VIPR1: variants seen among roughly 807,000 people sequenced by gnomAD.
VIPR1 encodes the protein vasoactive intestinal peptide receptor 1.
VIPR1 carries 59 observed loss-of-function variants against 58.8 expected under a neutral mutation model. That is an observed-to-expected ratio of 1.00 (90% CI 0.81 to 1.25). The LOEUF (loss-of-function observed/expected upper bound fraction) is 1.25. Among genes scored for constraint, VIPR1 ranks in the 50% most tolerant of loss-of-function variants. The probability of loss-of-function intolerance (pLI) is 0.00; values close to 1 mark genes in which losing one functional copy is unlikely to be tolerated. For synonymous variants in VIPR1, 251 were observed against 242.1 expected (o/e 1.04, Z -0.34); for missense variants, 626 against 602.7 (o/e 1.04, Z -0.40).
Position 42,502,693 on chromosome 3 carries a change from C to A in VIPR1, c.-43C>A, listed in dbSNP as rs933426441. 122 of 1,271,694 alleles carry A rather than the reference C, an allele frequency of 9.6e-5. No individual in the cohort carries two copies. In the African/African-American group the frequency reaches 1.5e-3, roughly 16 times the overall value. 78.8% of individuals were successfully genotyped at this position (1,271,694 alleles called of 1,614,324 possible). On this transcript the variant is annotated 5_prime_UTR_variant, in exon 1 of 13. Coordinates refer to ENST00000325123, the MANE Select transcript of VIPR1 (RefSeq NM_004624.4). ...CCGCCTGGTGCGCCGCCCGCCAGCT[C>A]TTTGCCCGCGCGGGGCCGCCCGCCG...
At chr3:42,511,993 A>G (rs1458739394) in intron 1 of VIPR1, 1 of 152,214 alleles carries the variant, frequency 6.6e-6, no homozygotes, top group Non-Finnish European at 1.5e-5. Context: ...TAACAGTTAT[A>G]CGAGTAACTG....
intron 7 of VIPR1, 34 bp from the exon 8 acceptor site, chr3:42,531,437 C>G: frequency 1.3e-6 from 2 of 1,557,404 alleles, no homozygotes; most frequent in Non-Finnish European, 1.7e-6. Context: ...TTCCTGTGCC[C>G]TCTCTGCTCT....
Position 42,507,093 on chromosome 3 carries a change from T to C in VIPR1, c.78+4280T>C, listed in dbSNP as rs377040443. On this transcript the variant is annotated intron_variant, in intron 1 of 12. Transcript: ENST00000325123. The stretch of plus-strand genomic sequence containing the variant: ...CCCAAATCATTTCAGAATGCATCTC[T>C]AAAACCAAAGGACACTCTTCTATAT... 12 of 152,336 alleles carry C rather than the reference T, an allele frequency of 7.9e-5. No individual in the cohort carries two copies. The East Asian group carries it at 2.1e-3, about 27-fold the overall frequency. 9.4% of individuals were successfully genotyped at this position (152,336 alleles called of 1,614,324 possible).
chr3:42,535,026 C>T lies in VIPR1; in HGVS notation c.1062C>T (p.Tyr354=). 6.2e-7 allele frequency: 1 copy of T among 1,614,212 alleles called. No individual in the cohort carries two copies. Among genetic ancestry groups the T allele is most frequent in the Non-Finnish European group, 8.5e-7 (1 of 1,180,034 alleles). The change falls in exon 11 of 13, where the codon TAC becomes TAT. Residue 354 remains tyrosine (Y), a synonymous_variant. Coordinates refer to ENST00000325123, the MANE Select transcript of VIPR1 (RefSeq NM_004624.4). ...TGATCCCCCTGTTTGGAGTACACTACATCATGTTCGCCTTCTTTCCGGACA... is the reference window on the plus strand; with the variant it reads ...TGATCCCCCTGTTTGGAGTACACTATATCATGTTCGCCTTCTTTCCGGACA... The part of the protein sequence containing the change: ...LLLIPLFGVH[Y]IMFAFFPDNF...
At chr3:42,507,728 G>T (rs1196547783) in intron 1 of VIPR1, among the ~76,000 whole-genome samples, 1 of 152,150 alleles carries the variant, frequency 6.6e-6, no homozygotes, top group African/African-American at 2.4e-5. Flanking sequence ...CTTCCAAGAA[G>T]AACCCTTAGA....
rs1194453892 is a variant in VIPR1 at position 42,535,045 on chromosome 3, C to A, written c.1081C>A (p.Pro361Thr). Residue 361 changes from proline to threonine, a missense_variant, in exon 11 of 13, where the codon CCG (proline) becomes ACG (threonine). Transcript: ENST00000325123. ...ACACTACATCATGTTCGCCTTCTTTCCGGACAATTTTAAGCCTGAAGTGAA... is the reference window on the plus strand; with the variant it reads ...ACACTACATCATGTTCGCCTTCTTTACGGACAATTTTAAGCCTGAAGTGAA... ...GVHYIMFAFFPDNFKPEVKMV... is the reference protein window; with the variant it reads ...GVHYIMFAFFTDNFKPEVKMV... The A allele has an allele frequency of 6.2e-7, 1 of 1,614,218 alleles. No individual in the cohort carries two copies. The highest frequency in any genetic ancestry group is 1.1e-5 in the South Asian group (1 of 91,090).
intron 1 of VIPR1, among the ~76,000 whole-genome samples, chr3:42,491,730 A>G (rs1451665804): frequency 6.6e-6 from 1 of 152,082 alleles, no homozygotes; most frequent in Non-Finnish European, 1.5e-5. Flanking sequence ...GTGCACCACT[A>G]CACCTGGCTA....
chr3:42,525,904 A>G lies in VIPR1; in HGVS notation c.310A>G (p.Ser104Gly), dbSNP rs1210940318. The G allele has an allele frequency of 6.2e-7, 1 of 1,612,464 alleles. No homozygotes were observed. The highest frequency in any genetic ancestry group is 2.2e-5 in the East Asian group (1 of 44,824). The change falls in exon 4 of 13, where the codon AGC (serine) becomes GGC (glycine). Residue 104 changes from serine to glycine, a missense_variant. Physicochemically the swap from Ser to Gly is moderately conservative, Grantham distance 56 (BLOSUM62 0). Coordinates refer to ENST00000325123, the MANE Select transcript of VIPR1 (RefSeq NM_004624.4). ...CCACCCAGGCCGCAATGTAAGCCGC[A>G]GCTGCACCGACGAAGGCTGGACGCA... Reference protein sequence around the residue: ...SSIQGRNVSRSCTDEGWTHLE... With the variant: ...SSIQGRNVSRGCTDEGWTHLE...
chr3:42,519,104 C>T (rs1416347112), intron 2 of VIPR1, 119 bp from the exon 3 acceptor site: 13 of 767,654 alleles, frequency 1.7e-5, no homozygotes, highest in Non-Finnish European at 2.5e-5. Context: ...AGACTGGAGG[C>T]TCCTTGAGGT....
At chr3:42,504,764 G>GT (rs1368221079) in intron 1 of VIPR1, among the ~76,000 whole-genome samples, 1 of 125,044 alleles carries the variant, frequency 8.0e-6, no homozygotes, top group African/African-American at 4.8e-5. Context: ...ACGGCGGGGT[G>GT]GGGGGGCGGG....
intron 3 of VIPR1, among the ~76,000 whole-genome samples, 162 bp from the exon 4 acceptor site, chr3:42,525,725 G>A (rs568081268): frequency 3.1e-3 from 468 of 152,290 alleles, no homozygotes; most frequent in Non-Finnish European, 4.6e-3. Flanking sequence ...TGCCCCAGGT[G>A]CCCCCACGGT....
intron 6 of VIPR1, 167 bp downstream of exon 6, chr3:42,528,290 C>A: frequency 1.1e-6 from 1 of 919,836 alleles, no homozygotes; most frequent in Non-Finnish European, 1.6e-6. Flanking sequence ...CCTGGCAGTA[C>A]TCAAATCACA....
In VIPR1 at chr3:42,535,123, A is replaced by C; in HGVS notation, c.1140+19A>C. On this transcript the variant is annotated intron_variant, in intron 11 of 12. Transcript: ENST00000325123. ...TTTCCAGGTATGGGCTGTTGACTTAAGGCTGCATTCTTCCCTGGCTTTTAA... is the reference window on the plus strand; with the variant it reads ...TTTCCAGGTATGGGCTGTTGACTTACGGCTGCATTCTTCCCTGGCTTTTAA... The C allele has an allele frequency of 6.2e-7, 1 of 1,614,116 alleles. No homozygotes were observed. Among genetic ancestry groups the C allele is most frequent in the African/African-American group, 1.3e-5 (1 of 75,062 alleles).
At chr3:42,535,786 A>G (rs1701810600) in intron 12 of VIPR1, among the ~76,000 whole-genome samples, 2 of 152,142 alleles carry the variant, frequency 1.3e-5, no homozygotes, top group East Asian at 1.9e-4. Flanking sequence ...CACTCAAGTG[A>G]GCTGGAGACC....
upstream of VIPR1, among the ~76,000 whole-genome samples, chr3:42,498,980 A>G (rs987428388): frequency 6.6e-6 from 1 of 152,188 alleles, no homozygotes; most frequent in Non-Finnish European, 1.5e-5. Context: ...GCCCCAAAAG[A>G]AGGTGCACCC....
At chr3:42,535,964 G>T (rs1177175107) in intron 12 of VIPR1, 126 bp from the exon 13 acceptor site, 3 of 1,199,684 alleles carry the variant, frequency 2.5e-6, no homozygotes, top group Non-Finnish European at 3.4e-6. Context: ...CAGCATAGGG[G>T]TCCCTCCATT....
intron 2 of VIPR1, 108 bp from the exon 3 acceptor site, chr3:42,519,114 TG>T: frequency 2.3e-6 from 2 of 863,748 alleles, no homozygotes; most frequent in Non-Finnish European, 3.3e-6. Flanking sequence ...CTCCTTGAGG[TG>T]GGAGCCTGGC....
At chr3:42,503,554 C>T (rs768604296) in intron 1 of VIPR1, among the ~76,000 whole-genome samples, 31 of 152,250 alleles carry the variant, frequency 2.0e-4, no homozygotes, top group Middle Eastern at 3.4e-3. Flanking sequence ...CATGTGTACT[C>T]GTGTGCCCCA....
intron 1 of VIPR1, among the ~76,000 whole-genome samples, chr3:42,505,271 G>A (rs1179730884): frequency 6.6e-6 from 1 of 152,246 alleles, no homozygotes; most frequent in Non-Finnish European, 1.5e-5. Context: ...TGACCAGATG[G>A]GCCAATCTTT....
Sources: gnomAD v4.1 joint callset for allele counts (sites outside exome capture counted in the v4.1 genomes callset) on GRCh38, gnomAD v4.1.1 for gene constraint, MANE v1.5 for transcripts, NCBI Gene and HGNC (gene_info 2026-07-23, HGNC 2026-07-21) for gene names.